B3GALT1: variants seen among roughly 807,000 people sequenced by gnomAD.
B3GALT1 encodes beta-1,3-galactosyltransferase 1.
Under a neutral mutation model 23.2 loss-of-function variants are expected in B3GALT1, and 10 were observed. That is an observed-to-expected ratio of 0.43 (90% CI 0.27 to 0.73). The LOEUF (loss-of-function observed/expected upper bound fraction) is 0.73, where lower values mean the gene tolerates loss of function less well. B3GALT1 is among the 30% of genes least tolerant of loss of function. The pLI is 0.21. For synonymous variants in B3GALT1, 156 were observed against 141.5 expected (o/e 1.10, Z -0.73); for missense variants, 299 against 405.4 (o/e 0.74, Z 2.25).
At chr2:167,670,434 G>A (rs990586784) in intron 3 of B3GALT1, among the ~76,000 whole-genome samples, 3 of 152,178 alleles carry the variant, frequency 2.0e-5, no homozygotes, top group Non-Finnish European at 4.4e-5. Context: ...AATAAAGACT[G>A]GTAGAGGTGA....
intron 2 of B3GALT1, among the ~76,000 whole-genome samples, chr2:167,541,272 G>A (rs1683530284): frequency 6.6e-6 from 1 of 152,042 alleles, no homozygotes; most frequent in Admixed American, 6.6e-5. Context: ...TAAAGATGCG[G>A]TTTCTTGCTC....
intron 2 of B3GALT1, among the ~76,000 whole-genome samples, chr2:167,545,191 C>T (rs986309090): frequency 2.7e-4 from 41 of 151,634 alleles, no homozygotes; most frequent in African/African-American, 8.5e-4. Context: ...CCCGCCACCA[C>T]GCCCGGCTAA....
At chr2:167,337,117 T>A (rs1017528675) in intron 1 of B3GALT1, among the ~76,000 whole-genome samples, 1 of 152,122 alleles carries the variant, frequency 6.6e-6, no homozygotes, top group Non-Finnish European at 1.5e-5. Flanking sequence ...CAGTATTACT[T>A]GAGGGCTGGT....
intron 1 of B3GALT1, among the ~76,000 whole-genome samples, chr2:167,318,602 C>T (rs974710492): frequency 1.1e-4 from 17 of 152,012 alleles, no homozygotes; most frequent in African/African-American, 2.7e-4. Flanking sequence ...TCTTTAAAAA[C>T]GAGTTCATTA....
intron 2 of B3GALT1, among the ~76,000 whole-genome samples, chr2:167,565,168 A>G (rs139196463): frequency 0.36 from 54,136 of 151,784 alleles, 10,683 homozygotes; most frequent in East Asian, 0.85. Context: ...GATATAGATC[A>G]ATGGAACAGA....
At chr2:167,760,647 CAT>C (rs146016371) in intron 3 of B3GALT1, among the ~76,000 whole-genome samples, 3,602 of 152,270 alleles carry the variant, frequency 0.024, 57 homozygotes, top group Middle Eastern at 0.037. Context: ...TCCTTCTAAA[CAT>C]AAGAAAATTA....
intron 3 of B3GALT1, among the ~76,000 whole-genome samples, chr2:167,761,021 A>T (rs1378753724): frequency 6.6e-6 from 1 of 152,086 alleles, no homozygotes; most frequent in Non-Finnish European, 1.5e-5. Flanking sequence ...TGCCTGTTTG[A>T]CCTTAATTTC....
intron 3 of B3GALT1, among the ~76,000 whole-genome samples, chr2:167,806,200 G>T (rs1214858235): frequency 6.6e-6 from 1 of 152,208 alleles, no homozygotes; most frequent in African/African-American, 2.4e-5. Flanking sequence ...CTTTGCTGAA[G>T]TTGCCCATCA....
At chr2:167,495,315 A>C (rs1397900387) in intron 2 of B3GALT1, among the ~76,000 whole-genome samples, 1 of 141,912 alleles carries the variant, frequency 7.0e-6, no homozygotes, top group Non-Finnish European at 1.5e-5. Context: ...TTTTTTCGCC[A>C]GCTTGCTTGC....
At chr2:167,403,277 G>GT (rs56269805) in intron 1 of B3GALT1, among the ~76,000 whole-genome samples, 139,604 of 151,092 alleles carry the variant, frequency 0.92, 65,129 homozygotes, top group Non-Finnish European at 0.99. Context: ...GCGGTGTTTG[G>GT]TTTTTTGTCC....
intron 1 of B3GALT1, among the ~76,000 whole-genome samples, chr2:167,303,817 C>T (rs754834906): frequency 6.6e-6 from 1 of 151,968 alleles, no homozygotes; most frequent in Non-Finnish European, 1.5e-5. Context: ...TTTTTGTTTC[C>T]ATGAGCAATT....
intron 3 of B3GALT1, among the ~76,000 whole-genome samples, chr2:167,757,107 C>G (rs866456466): frequency 6.6e-6 from 1 of 152,180 alleles, no homozygotes; most frequent in South Asian, 2.1e-4. Context: ...TTATCATCCA[C>G]TACGTCAGAG....
intron 1 of B3GALT1, among the ~76,000 whole-genome samples, chr2:167,426,790 C>A (rs1398774051): frequency 1.3e-5 from 2 of 152,248 alleles, no homozygotes; most frequent in Non-Finnish European, 2.9e-5. Flanking sequence ...CTGGCAAAAA[C>A]CACTCCGCAA....
chr2:167,428,987 A>G (rs148370588), intron 1 of B3GALT1, among the ~76,000 whole-genome samples: 76 of 152,234 alleles, frequency 5.0e-4, no homozygotes, highest in African/African-American at 1.7e-3. Flanking sequence ...CAATAAAGAA[A>G]TAAATGTTTT....
rs569116249 is a variant in B3GALT1, at chr2:167,868,187, A to G, written c.-229-624A>G. Among the ~76,000 whole-genome samples the G allele has an allele frequency of 9.8e-5, 15 of 152,358 alleles. No individual in the cohort carries two copies. The East Asian group carries it at 2.7e-3, about 27-fold the overall frequency. On this transcript the variant is annotated intron_variant, in intron 4 of 4. Transcript: ENST00000392690. ...CAGCATATCCTCTGCATGAAGTTTC[A>G]TAGAAAATTAGAATTAGAGCTAAGA...
At chr2:167,741,515 C>A (rs1687576592) in intron 3 of B3GALT1, among the ~76,000 whole-genome samples, 2 of 152,116 alleles carry the variant, frequency 1.3e-5, no homozygotes, top group African/African-American at 4.8e-5. Flanking sequence ...GCATTGTTTC[C>A]AAATTATTTA....
chr2:167,321,381 A>G (rs1281397551), intron 1 of B3GALT1, among the ~76,000 whole-genome samples: 1 of 152,126 alleles, frequency 6.6e-6, no homozygotes, highest in Non-Finnish European at 1.5e-5. Context: ...GATTGTTTTA[A>G]ACCAGGAAGC....
chr2:167,473,940 A>G (rs893788848), intron 1 of B3GALT1, among the ~76,000 whole-genome samples: 1 of 152,204 alleles, frequency 6.6e-6, no homozygotes, highest in Non-Finnish European at 1.5e-5. Flanking sequence ...GGAGTGAACC[A>G]TATGGGACAC....
chr2:167,607,595 T>C (rs966629514), intron 2 of B3GALT1, among the ~76,000 whole-genome samples: 13 of 152,184 alleles, frequency 8.5e-5, no homozygotes, highest in Non-Finnish European at 1.3e-4. Context: ...AAAGAATTTA[T>C]CTATATGTAC....
Sources: gnomAD v4.1 joint callset for allele counts (sites outside exome capture counted in the v4.1 genomes callset) on GRCh38, gnomAD v4.1.1 for gene constraint, MANE v1.5 for transcripts, NCBI Gene and HGNC (gene_info 2026-07-23, HGNC 2026-07-21) for gene names.